TESPA1: variants seen among roughly 807,000 people sequenced by gnomAD.
TESPA1 encodes the protein protein TESPA1.
TESPA1 carries 33 observed loss-of-function variants against 57.9 expected under a neutral mutation model. The observed-to-expected ratio is 0.57, with a 90% CI of 0.43 to 0.76. TESPA1 has a LOEUF of 0.76. TESPA1 is among the 30% of genes least tolerant of loss of function. The pLI, the probability that TESPA1 is intolerant of heterozygous loss-of-function variation, is 0.00. For synonymous variants in TESPA1, 227 were observed against 228.9 expected (o/e 0.99, Z 0.07); for missense variants, 618 against 632.9 (o/e 0.98, Z 0.25).
At chr12:54,951,662 C>G (rs1950398958) in intron 10 of TESPA1, among the ~76,000 whole-genome samples, 1 of 152,156 alleles carries the variant, frequency 6.6e-6, no homozygotes, top group Admixed American at 6.5e-5. Context: ...TATCTAGTCA[C>G]AAATACAATG....
At chr12:54,976,552 AGGAGGGAG>A (rs372109874) in intron 1 of TESPA1, among the ~76,000 whole-genome samples, 3 of 142,464 alleles carry the variant, frequency 2.1e-5, no homozygotes, top group Admixed American at 1.4e-4. Flanking sequence ...GAGGAAAAGA[AGGAGGGAG>A]GGAGGGAGGG....
intron 10 of TESPA1, among the ~76,000 whole-genome samples, chr12:54,960,751 C>A (rs1174224337): frequency 6.6e-6 from 1 of 152,170 alleles, no homozygotes; most frequent in Non-Finnish European, 1.5e-5. Flanking sequence ...CTGTACACTA[C>A]AGTTTGAATA....
intron 10 of TESPA1, among the ~76,000 whole-genome samples, chr12:54,959,728 G>A (rs1950961007): frequency 6.6e-6 from 1 of 152,096 alleles, no homozygotes; most frequent in Non-Finnish European, 1.5e-5. Context: ...TTCTCTGATG[G>A]GTCTAGAACG....
Position 54,974,580 on chromosome 12 carries a change from C to T in TESPA1, c.-18G>A. 1 of 1,542,158 alleles carries T rather than the reference C, an allele frequency of 6.5e-7. No individual in the cohort carries two copies. Among genetic ancestry groups the T allele is most frequent in the South Asian group, 1.2e-5 (1 of 81,608 alleles). ...GCCTCCATGGCCCTGGCTCAGACTT[C>T]AGGGCCTCCCGTAACAGTAATGCCG... On this transcript the variant is annotated 5_prime_UTR_variant, in exon 2 of 11. Transcript: ENST00000449076.
At chr12:54,960,435 A>G (rs1951001884) in intron 10 of TESPA1, among the ~76,000 whole-genome samples, 1 of 152,204 alleles carries the variant, frequency 6.6e-6, no homozygotes, top group Non-Finnish European at 1.5e-5. Flanking sequence ...CCTTCATCAG[A>G]CCACAGTTGC....
At chr12:54,974,960 C>T (rs1003201760) in intron 1 of TESPA1, among the ~76,000 whole-genome samples, 1 of 152,134 alleles carries the variant, frequency 6.6e-6, no homozygotes. Context: ...AGAATGTTGT[C>T]TACCAGAATC....
chr12:54,981,122 A>T (rs1307099184), intron 1 of TESPA1, among the ~76,000 whole-genome samples: 1 of 152,000 alleles, frequency 6.6e-6, no homozygotes, highest in Non-Finnish European at 1.5e-5. Flanking sequence ...TACTGTGCCA[A>T]ACTAGTTGGG....
intron 10 of TESPA1, 55 bp from the exon 11 acceptor site, chr12:54,950,445 A>G: frequency 2.4e-6 from 1 of 408,570 alleles, no homozygotes; most frequent in East Asian, 7.2e-5. Context: ...AACTTTGGGT[A>G]CTGAGGTTGG....
At chr12:54,978,312 T>C (rs908650177) in intron 1 of TESPA1, among the ~76,000 whole-genome samples, 4 of 152,342 alleles carry the variant, frequency 2.6e-5, no homozygotes, top group Admixed American at 6.5e-5. Flanking sequence ...AATTGACTTA[T>C]GGCATGTCAG....
At chr12:54,983,886 T>C (rs372915862) in intron 1 of TESPA1, 1 of 152,232 alleles carries the variant, frequency 6.6e-6, no homozygotes, top group South Asian at 2.1e-4. Flanking sequence ...TGTAGGTCAC[T>C]GAGAAGGCAA....
intron 1 of TESPA1, among the ~76,000 whole-genome samples, chr12:54,977,848 A>G (rs1952188465): frequency 6.6e-6 from 1 of 152,096 alleles, no homozygotes; most frequent in Admixed American, 6.6e-5. Context: ...TGCATAAATA[A>G]TTTTTTTCCC....
At position 54,963,026 on chromosome 12, in the gene TESPA1, C is replaced by T. The variant is rs1329531278; in HGVS notation, c.872G>A (p.Cys291Tyr). The change falls in exon 9 of 11, where the codon TGT becomes TAT. Residue 291 changes from cysteine (C) to tyrosine (Y), a missense_variant. Physicochemically the swap from Cys to Tyr is radical, Grantham distance 194 (BLOSUM62 -2). Around this residue, in one of 3 missense-constraint regions of TESPA1, gnomAD observed 409 missense variants for 420.1 expected, o/e 0.97. Transcript: ENST00000449076. The stretch of plus-strand genomic sequence containing the variant: ...CCGGTCTCGGGGGCATGTGTACAGA[C>T]ACATCTTGGAGATGGCTTTCCGAAG... ...DRLRKAISKM[C>Y]LYTCPRDRPP... 5.0e-6 allele frequency: 8 copies of T among 1,613,898 alleles called. No individual in the cohort carries two copies.
rs761599632 is a variant in TESPA1 at position 54,950,077 on chromosome 12, T to C, written c.*315A>G. On this transcript the variant is annotated 3_prime_UTR_variant, in exon 11 of 11. Transcript: ENST00000449076. ...GAGAAAATTAAGGCTTTGTTCAGTT[T>C]ACTATCATCCACATTATATATTTTA... The C allele has an allele frequency of 2.3e-5, 6 of 265,400 alleles. No individual in the cohort carries two copies. Among genetic ancestry groups the C allele is most frequent in the Non-Finnish European group, 4.5e-5 (6 of 133,874 alleles). The allele number at this position is 265,400 out of a possible 1,614,324, so 16.4% of individuals were successfully genotyped here. A position where few individuals can be genotyped will look rare whatever the true frequency, so the allele number is the denominator to read the frequency against.
In TESPA1 at chr12:54,962,498, C is replaced by T; in HGVS notation, c.1400G>A (p.Ser467Asn). ...CCGACGCAGTTCTGGTCTGTCTACA[C>T]TCTGCTTCCATTTCTGCTGGGTGAT... ...LSITQQKWKQ[S>N]VDRPELRRSL... Residue 467 changes from serine to asparagine, a missense_variant, in exon 9 of 11, where the codon AGT (serine) becomes AAT (asparagine). By Grantham distance (46) the Ser-to-Asn change is conservative. Around this residue, in one of 3 missense-constraint regions of TESPA1, gnomAD observed 409 missense variants for 420.1 expected, o/e 0.97. Coordinates refer to ENST00000449076, the MANE Select transcript of TESPA1 (RefSeq NM_001136030.3). 1 of 1,613,398 alleles carries T rather than the reference C, an allele frequency of 6.2e-7. No individual in the cohort carries two copies. The highest frequency in any genetic ancestry group is 2.2e-5 in the East Asian group (1 of 44,872).
At chr12:54,950,624 G>C (rs1950323005) in intron 10 of TESPA1, among the ~76,000 whole-genome samples, 3 of 152,116 alleles carry the variant, frequency 2.0e-5, no homozygotes, top group Admixed American at 6.5e-5. Context: ...ACTTATAAAG[G>C]CATACATTTA....
intron 1 of TESPA1, among the ~76,000 whole-genome samples, chr12:54,983,456 C>A (rs1041871437): frequency 1.3e-5 from 2 of 152,124 alleles, no homozygotes; most frequent in Non-Finnish European, 2.9e-5. Context: ...TCTCTAATCA[C>A]TCAGCTGAAC....
In TESPA1 at chr12:54,962,664, C is replaced by T. The variant is rs745329933; in HGVS notation, c.1234G>A (p.Glu412Lys). Residue 412 changes from glutamate to lysine, a missense_variant, in exon 9 of 11, where the codon GAG becomes AAG. By Grantham distance (56) the Glu-to-Lys change is moderately conservative. Around this residue, in one of 3 missense-constraint regions of TESPA1, gnomAD observed 409 missense variants for 420.1 expected, o/e 0.97. Coordinates refer to ENST00000449076, the MANE Select transcript of TESPA1 (RefSeq NM_001136030.3). ...WSTDPAQIRRELCSLPATNTE... is the reference protein window; with the variant it reads ...WSTDPAQIRRKLCSLPATNTE... ...TTGGTGGCTGGTAGACTACACAGCT[C>T]TCTCCTTATCTGAGCTGGGTCTGTG... 6.2e-7 allele frequency: 1 copy of T among 1,613,972 alleles called. No homozygotes were observed. The highest frequency in any genetic ancestry group is 8.5e-7 in the Non-Finnish European group (1 of 1,179,884).
At chr12:54,965,629 G>T (rs1168531945) in intron 7 of TESPA1, among the ~76,000 whole-genome samples, 1 of 152,126 alleles carries the variant, frequency 6.6e-6, no homozygotes, top group Non-Finnish European at 1.5e-5. Flanking sequence ...CTTTGCTATT[G>T]TGAATAGTGC....
At chr12:54,980,983 C>T (rs553009854) in intron 1 of TESPA1, among the ~76,000 whole-genome samples, 1 of 151,652 alleles carries the variant, frequency 6.6e-6, no homozygotes, top group South Asian at 2.1e-4. Flanking sequence ...TTTTGTCTTG[C>T]TGTGTTACTC....
Sources: gnomAD v4.1 joint callset for allele counts (sites outside exome capture counted in the v4.1 genomes callset) on GRCh38, gnomAD v4.1.1 for gene constraint, gnomAD v4.1.1 regional missense constraint, MANE v1.5 for transcripts, NCBI Gene and HGNC (gene_info 2026-07-23, HGNC 2026-07-21) for gene names.